The following MAGI2 variants were observed in gnomAD, a reference collection of about 807,000 sequenced individuals.
MAGI2 encodes membrane associated guanylate kinase, WW and PDZ domain containing 2.
A neutral mutation model predicts 133.3 loss-of-function variants in MAGI2; 35 were observed. The ratio of observed to expected loss-of-function variants is 0.26; its 90% CI spans 0.20 to 0.35. MAGI2 has a LOEUF of 0.35. MAGI2 is among the 10% of genes least tolerant of loss of function. The pLI, the probability that MAGI2 is intolerant of heterozygous loss-of-function variation, is 1.00. For synonymous variants in MAGI2, 729 were observed against 710.6 expected (o/e 1.03, Z -0.41); for missense variants, 1,636 against 1,863.4 (o/e 0.88, Z 2.25).
intron 2 of MAGI2, among the ~76,000 whole-genome samples, chr7:78,738,304 T>C (rs937151812): frequency 1.3e-5 from 2 of 152,192 alleles, no homozygotes; most frequent in African/African-American, 4.8e-5. Context: ...AGAATTGTCA[T>C]AGCCTGAAAA....
rs797045686 is a variant in MAGI2, at chr7:78,019,494, TGCC to T, written c.4186_4188del (p.Gly1396del). The T allele has an allele frequency of 1.0e-6, 1 of 979,532 alleles. No individual in the cohort carries two copies. The highest frequency in any genetic ancestry group is 1.2e-6 in the Non-Finnish European group (1 of 827,946). 60.7% of individuals were successfully genotyped at this position (979,532 alleles called of 1,614,324 possible). A position where few individuals can be genotyped will look rare whatever the true frequency, so the allele number is the denominator to read the frequency against. ...CTGCCCTCGGCCTCCAGCGCGCCGCTGCCGCCGCCGCCCGGGCCGGCAAACGCC... is the reference window on the plus strand; with the variant it reads ...CTGCCCTCGGCCTCCAGCGCGCCGCTGCCGCCGCCCGGGCCGGCAAACGCC... On this transcript the variant is annotated inframe_deletion, in exon 22 of 22. Transcript: ENST00000354212.
At chr7:78,241,915 C>T (rs1056747768) in intron 10 of MAGI2, among the ~76,000 whole-genome samples, 11 of 150,252 alleles carry the variant, frequency 7.3e-5, no homozygotes, top group Non-Finnish European at 1.6e-4. Context: ...GCCTGGACGA[C>T]AGAGCGAGAA....
intron 1 of MAGI2, among the ~76,000 whole-genome samples, chr7:79,372,343 A>G (rs985919220): frequency 8.4e-4 from 128 of 152,154 alleles, no homozygotes; most frequent in Non-Finnish European, 3.4e-4. Flanking sequence ...GCAGGAAGAG[A>G]TGTAAAGAAT....
chr7:78,540,666 C>T (rs1005362615), intron 3 of MAGI2, among the ~76,000 whole-genome samples: 24 of 152,116 alleles, frequency 1.6e-4, no homozygotes, highest in Non-Finnish European at 1.8e-4. Flanking sequence ...AAGTTTCCTT[C>T]TCTCTGTGGT....
At position 79,215,975 on chromosome 7, in the gene MAGI2, A is replaced by C. The variant is rs193299822; in HGVS notation, c.302-208769T>G. Among the ~76,000 whole-genome samples the C allele has an allele frequency of 2.1e-3, 319 of 151,948 alleles. 6 individuals are homozygous for C. The highest frequency in any genetic ancestry group is 7.5e-3 in the African/African-American group (309 of 41,320). On this transcript the variant is annotated intron_variant, in intron 1 of 21. Transcript: ENST00000354212. ...AGGGAAATACTGGGTAGAAGTGGGT[A>C]GCTCCCCAGGAACCCCAAGCCTGGA... is the stretch of plus-strand genomic sequence containing the variant.
intron 21 of MAGI2, among the ~76,000 whole-genome samples, chr7:78,065,414 A>G (rs990703078): frequency 1.3e-5 from 2 of 152,176 alleles, no homozygotes; most frequent in African/African-American, 4.8e-5. Context: ...TGCAAATCTT[A>G]TCCTTATCAC....
intron 2 of MAGI2, among the ~76,000 whole-genome samples, chr7:78,811,947 T>A (rs1259756733): frequency 6.6e-6 from 1 of 152,160 alleles, no homozygotes; most frequent in Non-Finnish European, 1.5e-5. Flanking sequence ...TCTGGTGACA[T>A]GAATTCTTAA....
At chr7:79,276,694 T>C (rs1835251890) in intron 1 of MAGI2, among the ~76,000 whole-genome samples, 1 of 152,212 alleles carries the variant, frequency 6.6e-6, no homozygotes, top group African/African-American at 2.4e-5. Flanking sequence ...TAATATGCAG[T>C]GGCTCATGCC....
intron 2 of MAGI2, among the ~76,000 whole-genome samples, chr7:78,958,203 A>G (rs1388044949): frequency 6.6e-6 from 1 of 152,102 alleles, no homozygotes; most frequent in Non-Finnish European, 1.5e-5. Flanking sequence ...TGGTCTTGTT[A>G]TCAGCCACTC....
At chr7:78,835,061 G>A (rs1399733440) in intron 2 of MAGI2, among the ~76,000 whole-genome samples, 2 of 152,126 alleles carry the variant, frequency 1.3e-5, no homozygotes, top group Non-Finnish European at 2.9e-5. Context: ...TTTCTTTACA[G>A]CAGTGCAGGA....
chr7:78,236,068 G>A (rs1019470575), intron 10 of MAGI2, among the ~76,000 whole-genome samples: 1 of 150,142 alleles, frequency 6.7e-6, no homozygotes, highest in African/African-American at 2.5e-5. Context: ...CTGTCGTATG[G>A]AAGGATTTAC....
chr7:79,240,358 GAAAAAAAA>G (rs762841388), intron 1 of MAGI2, among the ~76,000 whole-genome samples: 2 of 88,436 alleles, frequency 2.3e-5, no homozygotes, highest in Admixed American at 1.3e-4. Context: ...TTATCAGAAT[GAAAAAAAA>G]AAAAAAAAGA....
chr7:78,778,528 ACATCTAAACTATGGCCT>A (rs1826155168), intron 2 of MAGI2, among the ~76,000 whole-genome samples: 1 of 152,206 alleles, frequency 6.6e-6, no homozygotes, highest in Non-Finnish European at 1.5e-5. Flanking sequence ...AATTTATAGA[ACATCTAAACTATGGCCT>A]AAAATGTCTA....
At chr7:78,335,713 A>G (rs1188035044) in intron 9 of MAGI2, among the ~76,000 whole-genome samples, 1 of 152,188 alleles carries the variant, frequency 6.6e-6, no homozygotes, top group Non-Finnish European at 1.5e-5. Flanking sequence ...CCTCCATAGT[A>G]CCTAACATGA....
chr7:79,398,850 G>A (rs1381317137), intron 1 of MAGI2, among the ~76,000 whole-genome samples: 1 of 152,022 alleles, frequency 6.6e-6, no homozygotes, highest in Non-Finnish European at 1.5e-5. Flanking sequence ...AAAAAGAATT[G>A]ATTATAGCAA....
At chr7:78,856,772 T>G (rs1401128967) in intron 2 of MAGI2, among the ~76,000 whole-genome samples, 2 of 152,212 alleles carry the variant, frequency 1.3e-5, no homozygotes, top group Non-Finnish European at 2.9e-5. Flanking sequence ...AAAGTAGTTT[T>G]TTCCAATTCT....
At chr7:78,045,868 A>G (rs924361774) in intron 21 of MAGI2, among the ~76,000 whole-genome samples, 3 of 152,204 alleles carry the variant, frequency 2.0e-5, no homozygotes, top group African/African-American at 7.2e-5. Context: ...TTTCCCTGCC[A>G]GCAGCCATCC....
At chr7:79,029,697 A>C (rs1261552518) in intron 1 of MAGI2, among the ~76,000 whole-genome samples, 1 of 152,192 alleles carries the variant, frequency 6.6e-6, no homozygotes, top group Non-Finnish European at 1.5e-5. Context: ...TGCCTTCTCT[A>C]TGTGTAAAAT....
intron 2 of MAGI2, among the ~76,000 whole-genome samples, chr7:78,650,813 G>A (rs767166282): frequency 7.2e-5 from 11 of 152,010 alleles, no homozygotes; most frequent in Admixed American, 2.0e-4. Flanking sequence ...AGTGCTACTC[G>A]GCTGTAAGTA....
Sources: allele counts gnomAD v4.1 joint callset (sites outside exome capture counted in the v4.1 genomes callset), GRCh38; gene constraint gnomAD v4.1.1; transcripts MANE v1.5; gene names NCBI Gene and HGNC (gene_info 2026-07-23, HGNC 2026-07-21).